TEX48: variants seen among roughly 807,000 people sequenced by gnomAD.
TEX48 encodes the protein testis-expressed protein 48.
Under a neutral mutation model 13.2 loss-of-function variants are expected in TEX48, and 10 were observed. The observed-to-expected ratio is 0.75, with a 90% CI of 0.47 to 1.28. The LOEUF (loss-of-function observed/expected upper bound fraction) is 1.28, where lower values mean the gene tolerates loss of function less well. Among genes scored for constraint, TEX48 ranks in the 50% most tolerant of loss-of-function variants. TEX48 has a pLI of 0.00. For synonymous variants in TEX48, 45 were observed against 52.3 expected (o/e 0.86, Z 0.60); for missense variants, 116 against 139.4 (o/e 0.83, Z 0.84).
chr9:114,679,549 A>C (rs906865092), intron 1 of TEX48, among the ~76,000 whole-genome samples: 2 of 152,184 alleles, frequency 1.3e-5, no homozygotes, highest in African/African-American at 4.8e-5. Context: ...ATGAACAGCT[A>C]TACTGCTTGC....
chr9:114,673,079 G>T (rs547070207), intron 1 of TEX48, among the ~76,000 whole-genome samples: 63 of 152,186 alleles, frequency 4.1e-4, no homozygotes, highest in Non-Finnish European at 6.0e-4. Context: ...TCAGAAGGAC[G>T]AAGGGCAGAA....
chr9:114,678,231 TTCTC>T (rs1399377427), intron 1 of TEX48, among the ~76,000 whole-genome samples: 1 of 152,176 alleles, frequency 6.6e-6, no homozygotes, highest in Non-Finnish European at 1.5e-5. Context: ...GCTTCTGTCT[TTCTC>T]TCTCCACCCA....
At chr9:114,672,344 C>A (rs1008274693) in intron 1 of TEX48, among the ~76,000 whole-genome samples, 4 of 152,132 alleles carry the variant, frequency 2.6e-5, no homozygotes, top group Non-Finnish European at 4.4e-5. Flanking sequence ...GCTGGATGAT[C>A]TCCTCAAGGA....
chr9:114,676,677 C>T (rs927423075), intron 1 of TEX48, among the ~76,000 whole-genome samples: 9 of 149,206 alleles, frequency 6.0e-5, no homozygotes, highest in Admixed American at 2.0e-4. Context: ...AGTACAGTGG[C>T]GCAATCTTGT....
At position 114,668,413 on chromosome 9, in the gene TEX48, T is replaced by C. The variant is rs888988263; in HGVS notation, c.128-76A>G. The C allele has an allele frequency of 1.4e-5, 19 of 1,383,516 alleles. No homozygotes were observed. The Admixed American group carries it at 2.8e-4, about 20-fold the overall frequency. 85.7% of individuals were successfully genotyped at this position (1,383,516 alleles called of 1,614,324 possible). On this transcript the variant is annotated intron_variant, in intron 3 of 4. Coordinates refer to ENST00000436752, the MANE Select transcript of TEX48 (RefSeq NM_001199233.2). ...ACGGAAGTGAAGATGTTTTGCAAGCTCTGAAGCAGCGCACACAGGCAAGTG... is the reference window on the plus strand; with the variant it reads ...ACGGAAGTGAAGATGTTTTGCAAGCCCTGAAGCAGCGCACACAGGCAAGTG...
In TEX48 at chr9:114,666,707, C is replaced by G; in HGVS notation, c.299G>C (p.Arg100Thr). The G allele has an allele frequency of 2.0e-6, 3 of 1,535,218 alleles. No homozygotes were observed. Among genetic ancestry groups the G allele is most frequent in the East Asian group, 2.4e-5 (1 of 40,908 alleles). Residue 100 changes from arginine (R) to threonine (T), a missense_variant, in exon 5 of 5, where the codon AGA becomes ACA. Transcript: ENST00000436752. Reference protein sequence around the residue: ...AYASQRNFYKRNLNRYCQEHW... With the variant: ...AYASQRNFYKTNLNRYCQEHW... ...CTCCTGGCAGTAGCGGTTTAAGTTT[C>G]TCTTGTAAAAATTTCTTTGGGAAGC...
chr9:114,671,982 G>A (rs1036325582), intron 1 of TEX48, among the ~76,000 whole-genome samples, 155 bp from the exon 2 acceptor site: 2 of 152,160 alleles, frequency 1.3e-5, no homozygotes, highest in African/African-American at 4.8e-5. Flanking sequence ...CCCATGAACA[G>A]GTGCATGTTC....
chr9:114,679,253 CTAAAATGTTAACTAGAAATCGAGA>C (rs1312372775), intron 1 of TEX48, among the ~76,000 whole-genome samples: 2 of 137,276 alleles, frequency 1.5e-5, no homozygotes, highest in Non-Finnish European at 3.2e-5. Context: ...TCCAAGAGTC[CTAAAATGTTAACTAGAAATCGAGA>C]TAATCTTTTG....
At chr9:114,679,814 G>T (rs1309453887) in intron 1 of TEX48, among the ~76,000 whole-genome samples, 8 of 152,094 alleles carry the variant, frequency 5.3e-5, no homozygotes, top group Non-Finnish European at 1.0e-4. Flanking sequence ...CCCTCACCTT[G>T]ACTGACACAG....
chr9:114,669,475 C>T (rs1827904836), intron 3 of TEX48, among the ~76,000 whole-genome samples: 1 of 150,964 alleles, frequency 6.6e-6, no homozygotes, highest in Non-Finnish European at 1.5e-5. Flanking sequence ...GAGTTTCGCT[C>T]TTGTTGCCCA....
At position 114,666,613 on chromosome 9, in the gene TEX48, C is replaced by CA; in HGVS notation, c.*29dup. ...CGCCCTCTTCCTCATGGAGATGCCC[C>CA]AGCAGCTGTGCAGCCGCCGGCTAGA... On this transcript the variant is annotated 3_prime_UTR_variant, in exon 5 of 5. Transcript: ENST00000436752. 1 of 1,316,024 alleles carries CA rather than the reference C, an allele frequency of 7.6e-7. No individual in the cohort carries two copies. The highest frequency in any genetic ancestry group is 1.0e-6 in the Non-Finnish European group (1 of 960,540). 81.5% of individuals were successfully genotyped at this position (1,316,024 alleles called of 1,614,324 possible).
chr9:114,680,120 CCTTTTTTTTTTTT>C (rs764088282), intron 1 of TEX48, among the ~76,000 whole-genome samples: 8 of 52,126 alleles, frequency 1.5e-4, no homozygotes, highest in Non-Finnish European at 3.0e-4. Flanking sequence ...TGTCATTGTC[CCTTTTTTTTTTTT>C]TTTTTTTTTT....
rs544101322 is a variant in TEX48, at chr9:114,671,823, G to A, written c.-100C>T. On this transcript the variant is annotated 5_prime_UTR_variant, in exon 2 of 5. Coordinates refer to ENST00000436752, the MANE Select transcript of TEX48 (RefSeq NM_001199233.2). ...TGAGCCCAGTTCACTGGGCTGGGCT[G>A]TTTCCTAAGTAAACATAAGACCGTG... is the stretch of plus-strand genomic sequence containing the variant. The A allele has an allele frequency of 2.3e-6, 3 of 1,318,404 alleles. No individual in the cohort carries two copies. In the Admixed American group the frequency reaches 6.0e-5, roughly 26 times the overall value. The allele number at this position is 1,318,404 out of a possible 1,614,324, so 81.7% of individuals were successfully genotyped here.
At chr9:114,674,455 CATT>C (rs143488050) in intron 1 of TEX48, among the ~76,000 whole-genome samples, 18,493 of 152,042 alleles carry the variant, frequency 0.12, 1,292 homozygotes, top group East Asian at 0.22. Context: ...TTGTATTTAA[CATT>C]ATAACCCCCT....
chr9:114,668,792 T>C (rs1827888842), intron 3 of TEX48, among the ~76,000 whole-genome samples: 2 of 152,222 alleles, frequency 1.3e-5, no homozygotes, highest in African/African-American at 4.8e-5. Flanking sequence ...ATGCATATTT[T>C]ACATAGTCCA....
chr9:114,681,139 C>G (rs1021791134), intron 1 of TEX48, among the ~76,000 whole-genome samples: 11 of 152,206 alleles, frequency 7.2e-5, no homozygotes, highest in Non-Finnish European at 1.3e-4. Flanking sequence ...TGATAGCTTA[C>G]TATACACCAC....
At chr9:114,674,419 C>T (rs188008725) in intron 1 of TEX48, among the ~76,000 whole-genome samples, 27 of 152,162 alleles carry the variant, frequency 1.8e-4, no homozygotes, top group Non-Finnish European at 3.2e-4. Context: ...GTCTTTGCTT[C>T]ACCTTTTCTA....
At chr9:114,680,875 A>G (rs914244877) in intron 1 of TEX48, among the ~76,000 whole-genome samples, 5 of 152,188 alleles carry the variant, frequency 3.3e-5, no homozygotes, top group Non-Finnish European at 7.3e-5. Flanking sequence ...CTAAAGGTCT[A>G]CCATTCCTAA....
chr9:114,680,559 A>C (rs924254626), intron 1 of TEX48, among the ~76,000 whole-genome samples: 2 of 152,218 alleles, frequency 1.3e-5, no homozygotes, highest in Non-Finnish European at 1.5e-5. Context: ...GCAGACTGAT[A>C]CTCAAAATGA....
Sources: gnomAD v4.1 joint callset for allele counts (sites outside exome capture counted in the v4.1 genomes callset) on GRCh38, gnomAD v4.1.1 for gene constraint, MANE v1.5 for transcripts, NCBI Gene and HGNC (gene_info 2026-07-23, HGNC 2026-07-21) for gene names.